Variants in MICAL3 observed in about 807,000 individuals in gnomAD.
MICAL3 encodes microtubule associated monooxygenase, calponin and LIM domain containing 3.
A neutral mutation model predicts 207.4 loss-of-function variants in MICAL3; 62 were observed. That is an observed-to-expected ratio of 0.30 (90% CI 0.24 to 0.37). The LOEUF (loss-of-function observed/expected upper bound fraction) is 0.37, where lower values mean the gene tolerates loss of function less well. MICAL3 is among the 10% of genes least tolerant of loss of function. The probability of loss-of-function intolerance (pLI) is 1.00; values close to 1 mark genes in which losing one functional copy is unlikely to be tolerated. For synonymous variants in MICAL3, 1,077 were observed against 1,069.3 expected (o/e 1.01, Z -0.14); for missense variants, 2,368 against 2,635.6 (o/e 0.90, Z 2.22).
intron 17 of MICAL3, among the ~76,000 whole-genome samples, chr22:17,869,015 T>C (rs1927448931): frequency 6.6e-6 from 1 of 152,178 alleles, no homozygotes; most frequent in African/African-American, 2.4e-5. Flanking sequence ...CACATGGAGA[T>C]GTGAAACACA....
intron 3 of MICAL3, among the ~76,000 whole-genome samples, chr22:17,904,261 G>C (rs1202275756): frequency 6.6e-6 from 1 of 152,198 alleles, no homozygotes; most frequent in Non-Finnish European, 1.5e-5. Context: ...GTGTACTTCT[G>C]CCACTGCAAG....
chr22:17,925,828 A>C (rs1264251546), intron 1 of MICAL3, among the ~76,000 whole-genome samples: 2 of 152,218 alleles, frequency 1.3e-5, no homozygotes, highest in African/African-American at 2.4e-5. Flanking sequence ...CAGCCAAGGC[A>C]TCAAACACGT....
In MICAL3 at chr22:17,877,234, TGGAGGTTAGGGAGGTTAG is replaced by T. The variant is rs1378224093; in HGVS notation, c.2242-5229_2242-5212del. 2.3e-4 allele frequency among the ~76,000 whole-genome samples: 8 copies of T among 34,322 alleles called. No individual in the cohort carries two copies. The South Asian group carries it at 3.6e-3, about 15-fold the overall frequency. The allele number at this position is 34,322 out of a possible 152,430, so 22.5% of individuals were successfully genotyped here. On this transcript the variant is annotated intron_variant, in intron 16 of 31. Transcript: ENST00000441493. ...GAGGTTATGGAGGTTAGGGAGGTTA[TGGAGGTTAGGGAGGTTAG>T]GGAGGTTAGGGAAGTTATGGAGGTT...
chr22:18,015,193 C>A (rs1923976126), intron 1 of MICAL3, among the ~76,000 whole-genome samples: 1 of 152,064 alleles, frequency 6.6e-6, no homozygotes, highest in African/African-American at 2.4e-5. Context: ...GAAAGAAAAC[C>A]CACACAGCTT....
At chr22:17,877,459 GGGAGA>G (rs1928879901) in intron 16 of MICAL3, among the ~76,000 whole-genome samples, 1 of 66,284 alleles carries the variant, frequency 1.5e-5, no homozygotes, top group East Asian at 4.9e-4. Flanking sequence ...ATGGAGGTTA[GGGAGA>G]TTATGGAGGT....
chr22:17,873,174 C>T (rs992097953), intron 16 of MICAL3, among the ~76,000 whole-genome samples: 3 of 152,240 alleles, frequency 2.0e-5, no homozygotes, highest in Non-Finnish European at 4.4e-5. Context: ...GCAGGGCGAA[C>T]GCGCACAGAG....
intron 19 of MICAL3, among the ~76,000 whole-genome samples, chr22:17,844,964 C>G (rs1471890611): frequency 6.6e-6 from 1 of 152,228 alleles, no homozygotes; most frequent in African/African-American, 2.4e-5. Context: ...CTTCCCATCC[C>G]TTCCTTCTCC....
rs35404796 is a variant in MICAL3, at chr22:18,014,116, G to GACACACACACAC, written c.-75+10153_-75+10164dup. ...CCGACCTCTCTCTCTCCCTCTCTTA[G>GACACACACACAC]ACACACACACACACACACACACACA... On this transcript the variant is annotated intron_variant, in intron 1 of 31. Transcript: ENST00000441493. Among the ~76,000 whole-genome samples, 86 of 148,038 alleles carry GACACACACACAC rather than the reference G, an allele frequency of 5.8e-4. No homozygotes were observed. The East Asian group carries it at 0.011, about 19-fold the overall frequency.
chr22:17,883,096 G>T (rs1929580986), intron 16 of MICAL3, among the ~76,000 whole-genome samples: 1 of 152,120 alleles, frequency 6.6e-6, no homozygotes, highest in Admixed American at 6.5e-5. Context: ...ATCCAATTTG[G>T]AGTTCACCTT....
intron 19 of MICAL3, among the ~76,000 whole-genome samples, chr22:17,852,705 A>G (rs948527196): frequency 5.3e-5 from 8 of 151,960 alleles, no homozygotes; most frequent in Middle Eastern, 3.2e-3. Context: ...CCACGCATAA[A>G]CCCTTGCTCT....
At chr22:17,914,521 A>C (rs956294837) in intron 1 of MICAL3, among the ~76,000 whole-genome samples, 1 of 152,186 alleles carries the variant, frequency 6.6e-6, no homozygotes, top group Non-Finnish European at 1.5e-5. Flanking sequence ...CTGAGAATAC[A>C]GCTTGAGAAA....
chr22:17,907,193 G>A (rs1931790425), intron 1 of MICAL3, among the ~76,000 whole-genome samples: 3 of 150,556 alleles, frequency 2.0e-5, no homozygotes, highest in Non-Finnish European at 4.4e-5. Context: ...CAGAGAAAGA[G>A]GATCTAAGTC....
chr22:17,900,251 C>T lies in MICAL3; in HGVS notation c.847+591G>A, dbSNP rs1365165172. Among the ~76,000 whole-genome samples, 2 of 152,148 alleles carry T rather than the reference C, an allele frequency of 1.3e-5. No homozygotes were observed. The highest frequency in any genetic ancestry group is 6.5e-5 in the Admixed American group (1 of 15,278). On this transcript the variant is annotated intron_variant, in intron 6 of 31. Transcript: ENST00000441493. The surrounding 1 kb of genome is among the most constrained non-coding windows in gnomAD (Gnocchi z 4.0). ...AGCAGCATGCCTCAGCATCACAGCA[C>T]AGGGCAGGCATTGGGAAGAACTAGT...
intron 1 of MICAL3, chr22:17,983,700 C>T (rs1936030218): frequency 1.3e-5 from 2 of 152,804 alleles, no homozygotes; most frequent in Non-Finnish European, 2.9e-5. Flanking sequence ...AGTTAGTACC[C>T]TGTCCTCACC....
chr22:17,944,231 T>A (rs1468686535), intron 1 of MICAL3, among the ~76,000 whole-genome samples: 1 of 152,218 alleles, frequency 6.6e-6, no homozygotes, highest in Non-Finnish European at 1.5e-5. Context: ...TGTTTACTTG[T>A]GCGTCATAGC....
In MICAL3 at chr22:17,959,470, A is replaced by C. The variant is rs547226888; in HGVS notation, c.-74-52584T>G. Among the ~76,000 whole-genome samples, 18 of 152,154 alleles carry C rather than the reference A, an allele frequency of 1.2e-4. No homozygotes were observed. In the South Asian group the frequency reaches 3.7e-3, roughly 32 times the overall value. On this transcript the variant is annotated intron_variant, in intron 1 of 31. Transcript: ENST00000441493. ...GCTGGGATTACAGGCACCTGCCACC[A>C]GGCCCGGCTAATTTTTGTATTTTTA...
At chr22:17,991,993 A>G (rs1480124628) in intron 1 of MICAL3, among the ~76,000 whole-genome samples, 1 of 152,220 alleles carries the variant, frequency 6.6e-6, no homozygotes, top group East Asian at 1.9e-4. Context: ...TAATGCCCAG[A>G]GCATGGATGA....
At chr22:17,790,952 G>T in intron 31 of MICAL3, 36 bp from the exon 32 acceptor site, 1 of 1,613,104 alleles carries the variant, frequency 6.2e-7, no homozygotes. Context: ...GAGGGGCCTG[G>T]AGGTGGCACC....
chr22:17,887,024 A>C, intron 15 of MICAL3, 146 bp downstream of exon 15: 1 of 472,226 alleles, frequency 2.1e-6, no homozygotes, highest in Non-Finnish European at 3.6e-6. Context: ...AAAGAAAATA[A>C]AAAAAAGAAA....
Sources: allele counts gnomAD v4.1 joint callset (sites outside exome capture counted in the v4.1 genomes callset), GRCh38; gene constraint gnomAD v4.1.1; non-coding constraint Gnocchi (gnomAD v3.1); transcripts MANE v1.5; gene names NCBI Gene and HGNC (gene_info 2026-07-23, HGNC 2026-07-21).